UBAP2: variants seen among roughly 807,000 people sequenced by gnomAD.
UBAP2 encodes the protein ubiquitin associated protein 2.
UBAP2 carries 75 observed loss-of-function variants against 139.6 expected under a neutral mutation model. The observed-to-expected ratio is 0.54, with a 90% CI of 0.45 to 0.65. The LOEUF (loss-of-function observed/expected upper bound fraction) is 0.65, where lower values mean the gene tolerates loss of function less well. Among genes scored for constraint, UBAP2 ranks in the 30% least tolerant of loss-of-function variants. The pLI is 0.00. For synonymous variants in UBAP2, 526 were observed against 526.2 expected (o/e 1.00, Z 0.01); for missense variants, 1,368 against 1,369.6 (o/e 1.00, Z 0.02).
At position 34,039,859 on chromosome 9, in the gene UBAP2, A is replaced by AAT. The variant is rs1324927641; in HGVS notation, c.-42+8965_-42+8966insAT. ...GATCAATAAATACTAAAAAAAAAAAAAAAAAAAAAAAAATACAAGCCGCAC... is the reference window on the plus strand; with the variant it reads ...GATCAATAAATACTAAAAAAAAAAAAATAAAAAAAAAAAAATACAAGCCGCAC... On this transcript the variant is annotated intron_variant, in intron 1 of 28. Transcript: ENST00000379238. Among the ~76,000 whole-genome samples, 3 of 149,970 alleles carry AAT rather than the reference A, an allele frequency of 2.0e-5. No individual in the cohort carries two copies. In the East Asian group the frequency reaches 5.8e-4, roughly 29 times the overall value.
At chr9:33,951,413 C>A (rs1245786977) in intron 12 of UBAP2, among the ~76,000 whole-genome samples, 1 of 140,228 alleles carries the variant, frequency 7.1e-6, no homozygotes, top group African/African-American at 2.7e-5. Flanking sequence ...ATGGCATGAT[C>A]ACGGCTCGCT....
At chr9:33,980,971 T>C (rs1401453307) in intron 6 of UBAP2, among the ~76,000 whole-genome samples, 1 of 146,984 alleles carries the variant, frequency 6.8e-6, no homozygotes, top group Non-Finnish European at 1.5e-5. Flanking sequence ...AAAAATACAG[T>C]AAATAAAAAC....
chr9:33,965,990 C>A (rs1363936387), intron 8 of UBAP2, among the ~76,000 whole-genome samples: 3 of 150,000 alleles, frequency 2.0e-5, no homozygotes, highest in African/African-American at 7.4e-5. Context: ...GCAGAGCCTG[C>A]AGTGAGCAGA....
intron 6 of UBAP2, among the ~76,000 whole-genome samples, chr9:33,973,695 A>T (rs989814659): frequency 3.3e-5 from 5 of 152,356 alleles, no homozygotes; most frequent in African/African-American, 1.2e-4. Context: ...GCAAGCAAGA[A>T]GAGAAAATTA....
At chr9:33,974,833 G>C (rs1003820412) in intron 6 of UBAP2, among the ~76,000 whole-genome samples, 23 of 151,630 alleles carry the variant, frequency 1.5e-4, no homozygotes. Context: ...CCAGGTACTC[G>C]GGAGGCTGAG....
chr9:33,993,053 A>G (rs1821854928), intron 4 of UBAP2, among the ~76,000 whole-genome samples: 1 of 152,236 alleles, frequency 6.6e-6, no homozygotes. Flanking sequence ...ACTTCAAAAC[A>G]ATTTTGTCAC....
intron 2 of UBAP2, 27 bp from the exon 3 acceptor site, chr9:33,998,891 A>AAAGTACATACAAATGT: frequency 6.3e-7 from 1 of 1,591,500 alleles, no homozygotes; most frequent in East Asian, 2.2e-5. Flanking sequence ...ATTGTTAAGG[A>AAAGTACATACAAATGT]TTTGAACACC....
At chr9:34,015,183 A>G (rs915925891) in intron 2 of UBAP2, among the ~76,000 whole-genome samples, 1 of 152,234 alleles carries the variant, frequency 6.6e-6, no homozygotes, top group Non-Finnish European at 1.5e-5. Flanking sequence ...AGGGTTTGCC[A>G]ATCTAGTCAA....
chr9:34,036,385 G>C (rs1826370646), intron 1 of UBAP2, among the ~76,000 whole-genome samples: 1 of 152,076 alleles, frequency 6.6e-6, no homozygotes, highest in South Asian at 2.1e-4. Context: ...CCAAAGTGCT[G>C]GGATTACAGG....
chr9:34,004,403 T>G (rs1203774194), intron 2 of UBAP2, among the ~76,000 whole-genome samples: 1 of 151,824 alleles, frequency 6.6e-6, no homozygotes, highest in Non-Finnish European at 1.5e-5. Flanking sequence ...AGGATCACCT[T>G]AGCCCGAGGA....
At position 33,923,006 on chromosome 9, in the gene UBAP2, C is replaced by T; in HGVS notation, c.3032G>A (p.Gly1011Asp). 6.2e-7 allele frequency: 1 copy of T among 1,614,174 alleles called. No individual in the cohort carries two copies. Among genetic ancestry groups the T allele is most frequent in the Non-Finnish European group, 8.5e-7 (1 of 1,180,024 alleles). The change falls in exon 27 of 29, where the codon GGT becomes GAT. Residue 1011 changes from glycine (G) to aspartate (D), a missense_variant. Physicochemically the swap from Gly to Asp is moderately conservative, Grantham distance 94. Transcript: ENST00000379238. ...KGVSVSSSTT[G>D]LPDMTGSVYN... ...GACAGAACCAGTCATATCAGGTAGA[C>T]CAGTGGTGCTTGAAGACACTGATAC... is the stretch of plus-strand genomic sequence containing the variant.
intron 12 of UBAP2, among the ~76,000 whole-genome samples, chr9:33,949,760 AGAACT>A (rs1825949881): frequency 6.6e-6 from 1 of 152,222 alleles, no homozygotes; most frequent in African/African-American, 2.4e-5. Flanking sequence ...TACAGGTCAA[AGAACT>A]GAACTTCAGT....
In UBAP2 at chr9:34,006,230, C is replaced by T. The variant is rs1026976285; in HGVS notation, c.100-7366G>A. Among the ~76,000 whole-genome samples, 11 of 142,976 alleles carry T rather than the reference C, an allele frequency of 7.7e-5. 1 individual carries two copies. Among genetic ancestry groups the T allele is most frequent in the African/African-American group, 2.9e-4 (11 of 37,924 alleles). 93.8% of individuals were successfully genotyped at this position (142,976 alleles called of 152,430 possible). A position where few individuals can be genotyped will look rare whatever the true frequency, so the allele number is the denominator to read the frequency against. ...GCCTGGGAGACAGGGTGAGACTCAT[C>T]TCAAAAAGAAAAAAAAAAAAAAAGA... On this transcript the variant is annotated intron_variant, in intron 2 of 28. Transcript: ENST00000379238.
At chr9:34,019,888 G>A (rs1175950453) in intron 1 of UBAP2, among the ~76,000 whole-genome samples, 4 of 151,854 alleles carry the variant, frequency 2.6e-5, no homozygotes, top group African/African-American at 7.3e-5. Flanking sequence ...GCAGCCGGTC[G>A]CGGTGGCTCA....
chr9:33,927,681 G>T (rs548620118), intron 20 of UBAP2, 116 bp downstream of exon 20: 2 of 1,076,892 alleles, frequency 1.9e-6, no homozygotes, highest in African/African-American at 3.2e-5. Flanking sequence ...AGTGGAACAC[G>T]CAGCGCACTC....
chr9:34,015,991 T>C (rs960896356), intron 2 of UBAP2, among the ~76,000 whole-genome samples: 2 of 152,176 alleles, frequency 1.3e-5, no homozygotes, highest in East Asian at 1.9e-4. Flanking sequence ...TAAAGTCTAT[T>C]GTAATTCAGG....
intron 1 of UBAP2, among the ~76,000 whole-genome samples, chr9:34,036,703 T>G (rs1390605312): frequency 6.6e-6 from 1 of 152,108 alleles, no homozygotes; most frequent in East Asian, 1.9e-4. Flanking sequence ...TAGAGTAGCA[T>G]ATACCATTTG....
chr9:33,975,015 C>T (rs749200931), intron 6 of UBAP2, among the ~76,000 whole-genome samples: 42 of 152,116 alleles, frequency 2.8e-4, no homozygotes, highest in Non-Finnish European at 3.1e-4. Context: ...GACCAATAAA[C>T]ACATTAAAAG....
intron 7 of UBAP2, among the ~76,000 whole-genome samples, chr9:33,972,003 C>T (rs1298552777): frequency 2.0e-5 from 3 of 152,190 alleles, no homozygotes; most frequent in African/African-American, 4.8e-5. Flanking sequence ...TCCTGAAACA[C>T]GGTCCTCTGC....
Sources: allele counts gnomAD v4.1 joint callset (sites outside exome capture counted in the v4.1 genomes callset), GRCh38; gene constraint gnomAD v4.1.1; transcripts MANE v1.5; gene names NCBI Gene and HGNC (gene_info 2026-07-23, HGNC 2026-07-21).